The following WNK2 variants were observed in gnomAD, a reference collection of about 807,000 sequenced individuals.
WNK2 encodes the protein serine/threonine-protein kinase WNK2.
In WNK2, 67 loss-of-function variants were observed where a neutral mutation model predicts 192.1. That is an observed-to-expected ratio of 0.35 (90% CI 0.29 to 0.43). The LOEUF is 0.43. Ranked by LOEUF, WNK2 falls within the 20% of genes least tolerant of loss-of-function variation. The probability of loss-of-function intolerance (pLI) is 1.00; values close to 1 mark genes in which losing one functional copy is unlikely to be tolerated. For synonymous variants in WNK2, 1,439 were observed against 1,393.9 expected (o/e 1.03, Z -0.72); for missense variants, 2,698 against 3,089.7 (o/e 0.87, Z 3.01).
rs1277925286 is a variant in WNK2, at chr9:93,295,788, T to G, written c.5709-2065T>G. On this transcript the variant is annotated intron_variant, in intron 23 of 29. Coordinates refer to ENST00000427277, the MANE Select transcript of WNK2 (RefSeq NM_006648.4). ...CCTCTCCATCCTCCCTTCACCTTCC[T>G]TGTCTCTCCAGCTTCCCCTCACTTT... 6.3e-5 allele frequency among the ~76,000 whole-genome samples: 8 copies of G among 127,374 alleles called. No homozygotes were observed. In the South Asian group the frequency reaches 1.7e-3, roughly 27 times the overall value. The allele number at this position is 127,374 out of a possible 152,430, so 83.6% of individuals were successfully genotyped here. A position where few individuals can be genotyped will look rare whatever the true frequency, so the allele number is the denominator to read the frequency against.
chr9:93,320,350 G>A lies in WNK2; in HGVS notation c.6629-17G>A, dbSNP rs371043592. 3.9e-5 allele frequency: 53 copies of A among 1,367,494 alleles called. No individual in the cohort carries two copies. The highest frequency in any genetic ancestry group is 3.6e-4 in the Admixed American group (19 of 52,590). The allele number at this position is 1,367,494 out of a possible 1,614,324, so 84.7% of individuals were successfully genotyped here. On this transcript the variant is annotated splice_polypyrimidine_tract_variant and intron_variant, in intron 29 of 29. Coordinates refer to ENST00000427277, the MANE Select transcript of WNK2 (RefSeq NM_006648.4). ...CTGCGGTGGGCCCACAGTCAGCTGC[G>A]CGGTTTTGTTTTCCAGATCCTGAGA...
chr9:93,278,140 A>G (rs148636794), intron 19 of WNK2, among the ~76,000 whole-genome samples: 5 of 152,306 alleles, frequency 3.3e-5, no homozygotes, highest in African/African-American at 1.2e-4. Flanking sequence ...CTGCCTTGAA[A>G]AAGTTTCTAT....
intron 28 of WNK2, chr9:93,309,166 A>C: frequency 9.2e-6 from 9 of 977,144 alleles, no homozygotes; most frequent in Non-Finnish European, 1.1e-5. Flanking sequence ...TTTCTATCTC[A>C]AATATTTAGT....
In WNK2 at chr9:93,303,356, C is replaced by T. The variant is rs143472727; in HGVS notation, c.6214+3207C>T. On this transcript the variant is annotated intron_variant, in intron 26 of 29. Coordinates refer to ENST00000427277, the MANE Select transcript of WNK2 (RefSeq NM_006648.4). ...GTCCTTCTGGATCTTCCCACCTGAC[C>T]GGGCATGTTCTGGCACCCTGTGGGC... 1.1e-4 allele frequency among the ~76,000 whole-genome samples: 16 copies of T among 152,242 alleles called. No individual in the cohort carries two copies. In the East Asian group the frequency reaches 2.7e-3, roughly 26 times the overall value.
At chr9:93,226,125 C>T (rs1292531124) in intron 2 of WNK2, among the ~76,000 whole-genome samples, 4 of 152,216 alleles carry the variant, frequency 2.6e-5, no homozygotes, top group African/African-American at 7.2e-5. Flanking sequence ...CTGCCACCTG[C>T]GCCCAGTGTC....
intron 5 of WNK2, 102 bp from the exon 6 acceptor site, chr9:93,238,131 C>A: frequency 2.0e-6 from 2 of 993,628 alleles, no homozygotes; most frequent in Non-Finnish European, 3.2e-6. Context: ...GTCCAGTGCC[C>A]GTGTCCTGCC....
chr9:93,247,243 G>A lies in WNK2; in HGVS notation c.1543-300G>A, dbSNP rs987269363. Among the ~76,000 whole-genome samples the A allele has an allele frequency of 5.9e-5, 9 of 152,198 alleles. No homozygotes were observed. Among genetic ancestry groups the A allele is most frequent in the African/African-American group, 2.2e-4 (9 of 41,438 alleles). ...CCCTTCCCGTCTGCCACCAGCCCCG[G>A]GGGCGCTGGGAGCTCAGGGAGCCCT... is the stretch of plus-strand genomic sequence containing the variant. On this transcript the variant is annotated intron_variant, in intron 7 of 29. Coordinates refer to ENST00000427277, the MANE Select transcript of WNK2 (RefSeq NM_006648.4). The surrounding 1 kb of genome is among the most constrained non-coding windows in gnomAD (Gnocchi z 5.2).
At chr9:93,298,174 A>T (rs749205753) in intron 24 of WNK2, 107 bp downstream of exon 24, 194 of 1,218,094 alleles carry the variant, frequency 1.6e-4, no homozygotes, top group Non-Finnish European at 2.2e-4. Flanking sequence ...CTGGAAGACC[A>T]CTCGGGGTTA....
At chr9:93,308,989 G>T in intron 28 of WNK2, 1 of 1,027,212 alleles carries the variant, frequency 9.7e-7, no homozygotes, top group Non-Finnish European at 1.2e-6. Context: ...TCACCCAAGT[G>T]ACACCAGCGT....
At chr9:93,288,677 A>G (rs1848826700) in intron 19 of WNK2, 111 bp from the exon 20 acceptor site, 1 of 1,124,336 alleles carries the variant, frequency 8.9e-7, no homozygotes, top group African/African-American at 1.6e-5. Context: ...AGAGAAGACC[A>G]GCACGCTGGG....
At chr9:93,211,946 CCACT>C (rs1275071027) in intron 2 of WNK2, among the ~76,000 whole-genome samples, 3 of 151,290 alleles carry the variant, frequency 2.0e-5, no homozygotes, top group Non-Finnish European at 4.4e-5. Flanking sequence ...ACTCACTCAT[CCACT>C]CACTCATACA....
intron 16 of WNK2, among the ~76,000 whole-genome samples, chr9:93,265,882 C>T (rs949202990): frequency 3.9e-5 from 6 of 152,206 alleles, no homozygotes; most frequent in Non-Finnish European, 8.8e-5. Context: ...CATGTAAGTC[C>T]TGCACAGTAA....
chr9:93,276,724 A>G (rs1846949583), intron 19 of WNK2, among the ~76,000 whole-genome samples: 1 of 152,210 alleles, frequency 6.6e-6, no homozygotes, highest in African/African-American at 2.4e-5. Context: ...TCAAAACTCA[A>G]CAGTAAAATG....
Position 93,247,476 on chromosome 9 carries a change from T to G in WNK2, c.1543-67T>G. The G allele has an allele frequency of 6.5e-7, 1 of 1,534,980 alleles. No individual in the cohort carries two copies. The highest frequency in any genetic ancestry group is 1.2e-5 in the South Asian group (1 of 82,678). ...ATGAGCCAGTGATGGGAAAGCACTT[T>G]AGGTAAGGGGTGTGGGCCGGTGAGG... On this transcript the variant is annotated intron_variant, in intron 7 of 29. Coordinates refer to ENST00000427277, the MANE Select transcript of WNK2 (RefSeq NM_006648.4). This position sits in a 1 kb window ranked among gnomAD's most constrained non-coding sequence, Gnocchi z 5.2.
rs1417248285 is a variant in WNK2 at position 93,185,422 on chromosome 9, C to G, written c.493C>G (p.Pro165Ala). The G allele has an allele frequency of 1.9e-6, 3 of 1,610,592 alleles. No homozygotes were observed. Among genetic ancestry groups the G allele is most frequent in the South Asian group, 1.1e-5 (1 of 90,830 alleles). Reference sequence around the variant, plus strand: ...GGGGGCGGCCGAGGCGAAGCCTGAGCCCGGGCGCACTCGCCGGGACGAGCC... The same window carrying G: ...GGGGGCGGCCGAGGCGAAGCCTGAGGCCGGGCGCACTCGCCGGGACGAGCC... ...DEGAAEAKPEPGRTRRDEPEE... is the reference protein window; with the variant it reads ...DEGAAEAKPEAGRTRRDEPEE... The change falls in exon 2 of 30, where the codon CCC (proline) becomes GCC (alanine). Residue 165 changes from proline (P) to alanine (A), a missense_variant. Pro to Ala is a conservative substitution (Grantham distance 27, BLOSUM62 -1). Around this residue, in one of 7 missense-constraint regions of WNK2, gnomAD observed 260 missense variants for 285.6 expected, o/e 0.91. Transcript: ENST00000427277.
intron 6 of WNK2, among the ~76,000 whole-genome samples, chr9:93,238,862 T>A (rs955877981): frequency 6.6e-6 from 1 of 152,120 alleles, no homozygotes; most frequent in Non-Finnish European, 1.5e-5. Flanking sequence ...TCCTTCCCTG[T>A]TGGTCAGGTG....
intron 29 of WNK2, chr9:93,318,670 C>A: frequency 6.6e-7 from 1 of 1,508,798 alleles, no homozygotes; most frequent in East Asian, 2.4e-5. Flanking sequence ...ACTTCCCTCC[C>A]TTCTCCATGA....
chr9:93,271,588 T>C lies in WNK2; in HGVS notation c.4033+2842T>C, dbSNP rs76440411. On this transcript the variant is annotated intron_variant, in intron 19 of 29. Coordinates refer to ENST00000427277, the MANE Select transcript of WNK2 (RefSeq NM_006648.4). Reference sequence around the variant, plus strand: ...GAAGAAACAAATGGAATTTTTAACATTGAAAGTTAAAATACCTGAAATTGT... The same window carrying C: ...GAAGAAACAAATGGAATTTTTAACACTGAAAGTTAAAATACCTGAAATTGT... Among the ~76,000 whole-genome samples, 16 of 152,240 alleles carry C rather than the reference T, an allele frequency of 1.1e-4. No individual in the cohort carries two copies. The East Asian group carries it at 2.5e-3, about 24-fold the overall frequency.
At chr9:93,231,651 G>A (rs890480967) in intron 4 of WNK2, among the ~76,000 whole-genome samples, 4 of 152,242 alleles carry the variant, frequency 2.6e-5, no homozygotes, top group African/African-American at 7.2e-5. Context: ...CCTGCGGGGC[G>A]GGGCACAGAG....
Sources: gnomAD v4.1 joint callset for allele counts (sites outside exome capture counted in the v4.1 genomes callset) on GRCh38, gnomAD v4.1.1 for gene constraint, gnomAD v4.1.1 regional missense constraint, Gnocchi (gnomAD v3.1) non-coding constraint, MANE v1.5 for transcripts, NCBI Gene and HGNC (gene_info 2026-07-23, HGNC 2026-07-21) for gene names.